Variants in HTT observed in about 807,000 individuals in gnomAD.
HTT encodes huntington disease protein.
In HTT, 104 loss-of-function variants were observed where a neutral mutation model predicts 362.3. The ratio of observed to expected loss-of-function variants is 0.29; its 90% confidence interval spans 0.24 to 0.34. The LOEUF (loss-of-function observed/expected upper bound fraction) is 0.34, where lower values mean the gene tolerates loss of function less well. Ranked by LOEUF, HTT falls within the 10% of genes least tolerant of loss-of-function variation. HTT has a pLI of 1.00. For synonymous variants in HTT, 1,577 were observed against 1,548.7 expected (o/e 1.02, Z -0.43); for missense variants, 3,301 against 3,928.6 (o/e 0.84, Z 4.27).
chr4:3,128,415 A>G (rs1189300275), intron 12 of HTT: 2 of 152,192 alleles, frequency 1.3e-5, no homozygotes, highest in African/African-American at 4.8e-5. Context: ...ACACTGAGGT[A>G]AAAAATTGGA....
intron 1 of HTT, among the ~76,000 whole-genome samples, chr4:3,076,216 A>G (rs768059415): frequency 2.0e-5 from 3 of 152,030 alleles, no homozygotes; most frequent in Non-Finnish European, 4.4e-5. Flanking sequence ...ATCTAGCGGA[A>G]CCCCAGGACT....
intron 22 of HTT, 138 bp downstream of exon 22, chr4:3,140,794 TGATAG>T (rs1716308478): frequency 1.4e-6 from 1 of 728,452 alleles, no homozygotes; most frequent in African/African-American, 1.8e-5. Context: ...GTCAGTCCTT[TGATAG>T]GATATTATCA....
chr4:3,233,079 A>G (rs1274216126), intron 60 of HTT, 84 bp from the exon 61 acceptor site: 9 of 1,163,258 alleles, frequency 7.7e-6, no homozygotes, highest in Middle Eastern at 5.9e-4. Flanking sequence ...GCGTGAGGGC[A>G]GCGCCCCCGC....
At chr4:3,131,449 G>C in intron 15 of HTT, 52 bp downstream of exon 15, 1 of 1,509,212 alleles carries the variant, frequency 6.6e-7, no homozygotes, top group Non-Finnish European at 9.2e-7. Context: ...AGGTTTCAGA[G>C]GTCAGCTTGG....
At chr4:3,135,776 G>A in intron 19 of HTT, 128 bp from the exon 20 acceptor site, 1 of 550,706 alleles carries the variant, frequency 1.8e-6, no homozygotes, top group East Asian at 3.1e-5. Flanking sequence ...GGCCTTTTTT[G>A]TTGTTTTGAG....
At chr4:3,102,430 T>C (rs544641330) in intron 3 of HTT, among the ~76,000 whole-genome samples, 2 of 152,376 alleles carry the variant, frequency 1.3e-5, no homozygotes, top group South Asian at 4.1e-4. Context: ...CTTCTAGTTT[T>C]ATTTAAGAAG....
intron 32 of HTT, 23 bp from the exon 33 acceptor site, chr4:3,174,920 TTTC>T (rs758698487): frequency 6.4e-7 from 1 of 1,552,518 alleles, no homozygotes. Flanking sequence ...TTATGGATTC[TTTC>T]TTTCTTTTTT....
Position 3,140,688 on chromosome 4 carries a change from C to T in HTT, c.2945+32C>T, listed in dbSNP as rs3025850. ...TGACCCAGTGGCATCTTCACATTGT[C>T]GGGAAAATGCCCTTTCCTGATGCCT... On this transcript the variant is annotated intron_variant, in intron 22 of 66. Transcript: ENST00000355072. 3.2e-4 allele frequency: 519 copies of T among 1,599,542 alleles called. 2 individuals carry two copies. In the African/African-American group the frequency reaches 5.6e-3, roughly 17 times the overall value.
intron 40 of HTT, among the ~76,000 whole-genome samples, chr4:3,198,081 C>T (rs1384296437): frequency 1.3e-5 from 2 of 152,172 alleles, no homozygotes; most frequent in East Asian, 3.9e-4. Context: ...ACCTGGTCTG[C>T]ATTCTCTGAG....
chr4:3,203,588 T>C (rs1408300200), intron 41 of HTT, among the ~76,000 whole-genome samples: 1 of 152,238 alleles, frequency 6.6e-6, no homozygotes, highest in Non-Finnish European at 1.5e-5. Context: ...TGATGTTTCA[T>C]TGGGAAACGA....
At chr4:3,157,478 G>A (rs539621022) in intron 28 of HTT, among the ~76,000 whole-genome samples, 2 of 152,344 alleles carry the variant, frequency 1.3e-5, no homozygotes, top group African/African-American at 4.8e-5. Flanking sequence ...CCCTGGTGGA[G>A]TCTGGAGGGA....
chr4:3,177,175 T>C (rs1269015177), intron 33 of HTT, among the ~76,000 whole-genome samples, 157 bp from the exon 34 acceptor site: 2 of 152,258 alleles, frequency 1.3e-5, no homozygotes, highest in East Asian at 3.8e-4. Context: ...TCTGCAATTA[T>C]CTAGGCTGAT....
intron 49 of HTT, among the ~76,000 whole-genome samples, chr4:3,213,542 C>CTAG (rs1218958894): frequency 3.3e-5 from 5 of 152,194 alleles, no homozygotes; most frequent in African/African-American, 4.8e-5. Flanking sequence ...GTCCTCTGAG[C>CTAG]TAGGAAGTAG....
chr4:3,241,088 GGGGTGGC>G lies in HTT; in HGVS notation c.*1031_*1037del, dbSNP rs1721781432. The G allele has an allele frequency of 6.6e-6, 1 of 152,548 alleles. No homozygotes were observed. Among genetic ancestry groups the G allele is most frequent in the East Asian group, 1.9e-4 (1 of 5,212 alleles). The allele number at this position is 152,548 out of a possible 1,614,324, so 9.4% of individuals were successfully genotyped here. On this transcript the variant is annotated 3_prime_UTR_variant, in exon 67 of 67. Coordinates refer to ENST00000355072, the MANE Select transcript of HTT (RefSeq NM_001388492.1). ...CCCACTCCTGTTCCTTGCTAGCCCT[GGGGTGGC>G]GTCTGCCTAGGAGCTGGCTGGCAGG...
intron 60 of HTT, among the ~76,000 whole-genome samples, chr4:3,230,449 C>T (rs530505042): frequency 4.0e-4 from 61 of 152,322 alleles, no homozygotes; most frequent in African/African-American, 1.4e-3. Flanking sequence ...CCAGGCCCCC[C>T]GAGCTTCCTG....
At chr4:3,199,200 C>G (rs979059920) in intron 40 of HTT, among the ~76,000 whole-genome samples, 1 of 152,144 alleles carries the variant, frequency 6.6e-6, no homozygotes, top group Admixed American at 6.5e-5. Context: ...ATGTGGAGGT[C>G]GACAGTGAGA....
At chr4:3,205,291 C>T (rs980216418) in intron 42 of HTT, among the ~76,000 whole-genome samples, 1 of 152,022 alleles carries the variant, frequency 6.6e-6, no homozygotes. Flanking sequence ...TTCTTTGTCA[C>T]AAACATGGTA....
chr4:3,214,311 G>A (rs888224143), intron 50 of HTT, among the ~76,000 whole-genome samples, 176 bp downstream of exon 50: 4 of 151,892 alleles, frequency 2.6e-5, no homozygotes, highest in Non-Finnish European at 4.4e-5. Context: ...ATATATTGGA[G>A]TCTACACTGG....
At position 3,187,692 on chromosome 4, in the gene HTT, G is replaced by A. The variant is rs750054956; in HGVS notation, c.5031G>A (p.Leu1677=). The A allele has an allele frequency of 6.2e-6, 10 of 1,613,960 alleles. No homozygotes were observed. Among genetic ancestry groups the A allele is most frequent in the Non-Finnish European group, 8.5e-6 (10 of 1,179,996 alleles). Residue 1677 remains leucine, a synonymous_variant, in exon 39 of 67, where the codon CTG becomes CTA. Coordinates refer to ENST00000355072, the MANE Select transcript of HTT (RefSeq NM_001388492.1). ...TTCAACTGTGGATATCGGGAATTCT[G>A]GCCATTTTGAGGGTTCTGATTTCCC... ...STVQLWISGI[L]AILRVLISQS...
Sources: gnomAD v4.1 joint callset for allele counts (sites outside exome capture counted in the v4.1 genomes callset) on GRCh38, gnomAD v4.1.1 for gene constraint, MANE v1.5 for transcripts, NCBI Gene and HGNC (gene_info 2026-07-23, HGNC 2026-07-21) for gene names.